MMP26: variants seen among roughly 807,000 people sequenced by gnomAD.
MMP26 encodes matrix metalloproteinase-26.
A neutral mutation model predicts 31.0 loss-of-function variants in MMP26; 33 were observed. The observed-to-expected ratio is 1.06, with a 90% CI of 0.81 to 1.42. The LOEUF (loss-of-function observed/expected upper bound fraction) is 1.42. Ranked by LOEUF, MMP26 falls within the 40% of genes most tolerant of loss-of-function variation. The probability of loss-of-function intolerance (pLI) is 0.00; values close to 1 mark genes in which losing one functional copy is unlikely to be tolerated. For synonymous variants in MMP26, 122 were observed against 114.9 expected (o/e 1.06, Z -0.40); for missense variants, 347 against 316.1 (o/e 1.10, Z -0.74).
At chr11:4,743,361 A>G (rs1204242002) in intron 1 of MMP26, among the ~76,000 whole-genome samples, 1 of 152,212 alleles carries the variant, frequency 6.6e-6, no homozygotes, top group Non-Finnish European at 1.5e-5. Flanking sequence ...CTTATGTGCT[A>G]AATTATGAAG....
Position 4,924,349 on chromosome 11 carries a change from A to G in MMP26, c.-144-63719A>G, listed in dbSNP as rs746022943. 3.9e-5 allele frequency: 62 copies of G among 1,575,526 alleles called. 1 individual carries two copies. In the South Asian group the frequency reaches 6.9e-4, roughly 18 times the overall value. On this transcript the variant is annotated intron_variant, in intron 2 of 7. Transcript: ENST00000380390. Reference sequence around the variant, plus strand: ...TAAGAAGAATTGTCATAGCTTTACAATCTTGGACTCAGAAACCTGGAATAT... The same window carrying G: ...TAAGAAGAATTGTCATAGCTTTACAGTCTTGGACTCAGAAACCTGGAATAT...
At chr11:4,882,310 C>T (rs761753281) in intron 2 of MMP26, 1 of 1,613,972 alleles carries the variant, frequency 6.2e-7, no homozygotes. Flanking sequence ...ATGCTACTAT[C>T]CTCACAGACA....
rs200635249 is a variant in MMP26 at position 4,713,579 on chromosome 11, ACT to A, written c.-217+8537_-217+8538del. Reference sequence around the variant, plus strand: ...CTCCAAGGAGCTCTGGAGGGAAAAGACTCTGTTTTATTCTCTGTATTACCAGT... The same window carrying A: ...CTCCAAGGAGCTCTGGAGGGAAAAGACTGTTTTATTCTCTGTATTACCAGT... On this transcript the variant is annotated intron_variant, in intron 1 of 7. Transcript: ENST00000380390. 7.5e-3 allele frequency among the ~76,000 whole-genome samples: 1,145 copies of A among 152,174 alleles called. 16 individuals carry two copies. The highest frequency in any genetic ancestry group is 0.024 in the African/African-American group (990 of 41,526).
chr11:4,717,224 C>T (rs575881948), intron 1 of MMP26, among the ~76,000 whole-genome samples: 43 of 152,230 alleles, frequency 2.8e-4, no homozygotes, highest in Admixed American at 9.8e-4. Flanking sequence ...GTTTTCTGAA[C>T]TATCCTATTA....
In MMP26 at chr11:4,882,215, G is replaced by T. The variant is rs374576481; in HGVS notation, c.-144-105853G>T. The T allele has an allele frequency of 1.2e-5, 20 of 1,613,888 alleles. No homozygotes were observed. The Admixed American group carries it at 1.3e-4, about 11-fold the overall frequency. ...AGCTTGCTTCATTCAAATGTTCTTTGTGCATGCTTTCTCCTTGCTGGAGTC... is the reference window on the plus strand; with the variant it reads ...AGCTTGCTTCATTCAAATGTTCTTTTTGCATGCTTTCTCCTTGCTGGAGTC... On this transcript the variant is annotated intron_variant, in intron 2 of 7. Coordinates refer to ENST00000380390, the MANE Select transcript of MMP26 (RefSeq NM_021801.5).
intron 2 of MMP26, among the ~76,000 whole-genome samples, chr11:4,867,053 C>T (rs1373079192): frequency 2.6e-5 from 4 of 152,008 alleles, no homozygotes; most frequent in Admixed American, 6.6e-5. Context: ...ATGCCAAAAA[C>T]AATTGGAACA....
intron 1 of MMP26, among the ~76,000 whole-genome samples, chr11:4,726,461 A>T (rs940881698): frequency 2.2e-5 from 3 of 138,184 alleles, no homozygotes; most frequent in African/African-American, 5.7e-5. Context: ...CAACTTCATT[A>T]AAAAAAAAAA....
chr11:4,782,083 A>G lies in MMP26; in HGVS notation c.-145+14742A>G, dbSNP rs1848872178. On this transcript the variant is annotated intron_variant, in intron 2 of 7. Coordinates refer to ENST00000380390, the MANE Select transcript of MMP26 (RefSeq NM_021801.5). ...ACTAATGCAGTAAATTGGTACCAGTAGAGCAGGACACTGCTGAAAAGATAC... is the reference window on the plus strand; with the variant it reads ...ACTAATGCAGTAAATTGGTACCAGTGGAGCAGGACACTGCTGAAAAGATAC... Among the ~76,000 whole-genome samples, 3 of 152,342 alleles carry G rather than the reference A, an allele frequency of 2.0e-5. No individual in the cohort carries two copies. The South Asian group carries it at 6.2e-4, about 32-fold the overall frequency.
At chr11:4,763,872 T>C (rs1164781427) in intron 1 of MMP26, among the ~76,000 whole-genome samples, 8 of 152,212 alleles carry the variant, frequency 5.3e-5, no homozygotes, top group African/African-American at 1.4e-4. Flanking sequence ...GTAGCACTAT[T>C]TGTTATTAAT....
At chr11:4,930,590 C>T (rs886315900) in intron 2 of MMP26, among the ~76,000 whole-genome samples, 1 of 152,004 alleles carries the variant, frequency 6.6e-6, no homozygotes, top group Non-Finnish European at 1.5e-5. Flanking sequence ...AAAGACTTTG[C>T]CTTACTATGT....
At chr11:4,864,037 C>A (rs2133517791) in intron 2 of MMP26, among the ~76,000 whole-genome samples, 1 of 152,220 alleles carries the variant, frequency 6.6e-6, no homozygotes. Context: ...CAGTTCAGTT[C>A]AGTGACTCCA....
chr11:4,705,862 C>T (rs1847768785), intron 1 of MMP26, among the ~76,000 whole-genome samples: 2 of 151,364 alleles, frequency 1.3e-5, no homozygotes, highest in Admixed American at 6.6e-5. Context: ...GTGGCATGTA[C>T]CTGTAGTCCT....
At chr11:4,907,866 T>G (rs201750546) in intron 2 of MMP26, 84 of 1,613,920 alleles carry the variant, frequency 5.2e-5, no homozygotes, top group Non-Finnish European at 6.3e-5. Flanking sequence ...TTAAGGAGAT[T>G]AAAATATTGT....
intron 2 of MMP26, among the ~76,000 whole-genome samples, chr11:4,837,389 T>G (rs1849733487): frequency 6.6e-6 from 1 of 152,226 alleles, no homozygotes; most frequent in East Asian, 1.9e-4. Context: ...TTTTTAAATT[T>G]TTTGAAGAGA....
chr11:4,765,397 C>G (rs1256766133), intron 1 of MMP26, among the ~76,000 whole-genome samples: 2 of 152,178 alleles, frequency 1.3e-5, no homozygotes, highest in East Asian at 3.9e-4. Context: ...CAAGGTCAAG[C>G]CTACATCAAA....
chr11:4,899,141 A>T (rs1238983834), intron 2 of MMP26, among the ~76,000 whole-genome samples: 1 of 152,148 alleles, frequency 6.6e-6, no homozygotes, highest in Admixed American at 6.5e-5. Flanking sequence ...CCAGGAAAGG[A>T]CTTATCTGTA....
In MMP26 at chr11:4,731,058, C is replaced by T. The variant is rs1437494988; in HGVS notation, c.-217+26013C>T. Reference sequence around the variant, plus strand: ...CTCCCAGGTTCAAGTGATTCTCCTGCCTCAGCCTCTCGAGTAGCTGGGATT... The same window carrying T: ...CTCCCAGGTTCAAGTGATTCTCCTGTCTCAGCCTCTCGAGTAGCTGGGATT... On this transcript the variant is annotated intron_variant, in intron 1 of 7. Coordinates refer to ENST00000380390, the MANE Select transcript of MMP26 (RefSeq NM_021801.5). 5.9e-5 allele frequency among the ~76,000 whole-genome samples: 9 copies of T among 152,264 alleles called. No homozygotes were observed. The East Asian group carries it at 1.7e-3, about 29-fold the overall frequency.
In MMP26 at chr11:4,888,795, C is replaced by T. The variant is rs368490164; in HGVS notation, c.-144-99273C>T. On this transcript the variant is annotated intron_variant, in intron 2 of 7. Transcript: ENST00000380390. ...GAGAGGATTGCTAACCAACTCATAGCTGACAATAGACTTCTTTCACTTAAA... is the reference window on the plus strand; with the variant it reads ...GAGAGGATTGCTAACCAACTCATAGTTGACAATAGACTTCTTTCACTTAAA... 1.7e-4 allele frequency among the ~76,000 whole-genome samples: 26 copies of T among 152,254 alleles called. 1 individual carries two copies. In the South Asian group the frequency reaches 5.2e-3, roughly 30 times the overall value.
rs1395072685 is a variant in MMP26 at position 4,882,651 on chromosome 11, C to T, written c.-144-105417C>T. ...TGTGTCTGTCACATCTGTGCAGTCA[C>T]TATTTTCTATGTGCCACTGATCAGC... On this transcript the variant is annotated intron_variant, in intron 2 of 7. Coordinates refer to ENST00000380390, the MANE Select transcript of MMP26 (RefSeq NM_021801.5). 1.9e-6 allele frequency: 3 copies of T among 1,613,834 alleles called. No individual in the cohort carries two copies. In the East Asian group the frequency reaches 6.7e-5, roughly 36 times the overall value.
Sources: gnomAD v4.1 joint callset for allele counts (sites outside exome capture counted in the v4.1 genomes callset) on GRCh38, gnomAD v4.1.1 for gene constraint, MANE v1.5 for transcripts, NCBI Gene and HGNC (gene_info 2026-07-23, HGNC 2026-07-21) for gene names.